The following HPSE2 variants were observed in gnomAD, a reference collection of about 807,000 sequenced individuals.
HPSE2 encodes inactive heparanase-2.
HPSE2 carries 38 observed loss-of-function variants against 60.5 expected under a neutral mutation model. The ratio of observed to expected loss-of-function variants is 0.63; its 90% CI spans 0.48 to 0.82. HPSE2 has a LOEUF of 0.82. Among genes scored for constraint, HPSE2 ranks in the 40% least tolerant of loss-of-function variants. The pLI is 0.00. For missense variants in HPSE2, 713 were observed against 740.4 expected, an observed-to-expected ratio of 0.96 and a Z score of 0.43; for synonymous variants, 295 against 293.2, an observed-to-expected ratio of 1.01 and a Z score of -0.06.
intron 4 of HPSE2, among the ~76,000 whole-genome samples, chr10:98,736,453 G>C (rs1334855442): frequency 6.6e-6 from 1 of 152,128 alleles, no homozygotes; most frequent in South Asian, 2.1e-4. Context: ...ATTTTAGTGA[G>C]AGAACATGAT....
intron 9 of HPSE2, among the ~76,000 whole-genome samples, chr10:98,600,968 GAGAGA>G (rs1945409443): frequency 7.1e-6 from 1 of 141,632 alleles, no homozygotes; most frequent in Non-Finnish European, 1.5e-5. Context: ...GTGAGAGAGA[GAGAGA>G]GAAAGAAACA....
At chr10:98,878,824 C>A (rs1347758714) in intron 3 of HPSE2, among the ~76,000 whole-genome samples, 2 of 151,826 alleles carry the variant, frequency 1.3e-5, no homozygotes, top group Admixed American at 6.6e-5. Flanking sequence ...GGGCTAGAAG[C>A]AAGGAGATCA....
intron 3 of HPSE2, among the ~76,000 whole-genome samples, chr10:98,872,369 G>T (rs915862779): frequency 6.6e-6 from 1 of 152,014 alleles, no homozygotes; most frequent in Non-Finnish European, 1.5e-5. Context: ...ATAATACCCA[G>T]CATTAGCGTG....
chr10:98,839,452 C>G (rs1203542619), intron 3 of HPSE2, among the ~76,000 whole-genome samples: 2 of 152,076 alleles, frequency 1.3e-5, no homozygotes, highest in African/African-American at 4.8e-5. Flanking sequence ...TCACTAAGTA[C>G]AAGAGAACAT....
chr10:98,664,326 T>C (rs1565060747), intron 6 of HPSE2, among the ~76,000 whole-genome samples: 1 of 151,858 alleles, frequency 6.6e-6, no homozygotes, highest in Non-Finnish European at 1.5e-5. Context: ...CTCAGAACAC[T>C]GAATGGGGTG....
chr10:98,525,442 T>C (rs977388653), intron 9 of HPSE2, among the ~76,000 whole-genome samples: 1 of 152,220 alleles, frequency 6.6e-6, no homozygotes. Flanking sequence ...TAAAATGGAA[T>C]AGGAGTCTGA....
intron 3 of HPSE2, among the ~76,000 whole-genome samples, chr10:98,939,632 G>A (rs576169503): frequency 1.2e-4 from 17 of 143,224 alleles, no homozygotes; most frequent in East Asian, 2.0e-4. Context: ...CAATAATAAT[G>A]GGAGATTTTA....
chr10:98,715,170 A>G (rs948771594), intron 5 of HPSE2, among the ~76,000 whole-genome samples: 1 of 151,960 alleles, frequency 6.6e-6, no homozygotes, highest in Non-Finnish European at 1.5e-5. Context: ...CATTCGACAC[A>G]CAAAAGTTCT....
chr10:98,608,181 A>G (rs775800276), intron 9 of HPSE2, among the ~76,000 whole-genome samples: 8 of 152,242 alleles, frequency 5.3e-5, no homozygotes, highest in Non-Finnish European at 1.2e-4. Context: ...TTCCAAAGCC[A>G]ATACTTTTAA....
chr10:98,486,573 A>G (rs1474463325), intron 10 of HPSE2, among the ~76,000 whole-genome samples: 1 of 152,108 alleles, frequency 6.6e-6, no homozygotes, highest in Non-Finnish European at 1.5e-5. Flanking sequence ...TGGAATTGGA[A>G]TATCCTAAAT....
rs1231239352 is a variant in HPSE2 at position 98,888,066 on chromosome 10, T to C, written c.611-144010A>G. ...AACATAAAGAATGTAACTGGATCGT[T>C]TGTAACTCAAAGGATAAATGCTTGA... On this transcript the variant is annotated intron_variant, in intron 3 of 11. Transcript: ENST00000370552. Among the ~76,000 whole-genome samples the C allele has an allele frequency of 2.6e-5, 4 of 151,412 alleles. 1 individual carries two copies. The highest frequency in any genetic ancestry group is 6.6e-5 in the Admixed American group (1 of 15,140).
rs372790370 is a variant in HPSE2 at position 98,735,129 on chromosome 10, A to G, written c.784+8754T>C. Among the ~76,000 whole-genome samples the G allele has an allele frequency of 5.3e-5, 8 of 151,916 alleles. No homozygotes were observed. In the East Asian group the frequency reaches 1.6e-3, roughly 30 times the overall value. On this transcript the variant is annotated intron_variant, in intron 4 of 11. Coordinates refer to ENST00000370552, the MANE Select transcript of HPSE2 (RefSeq NM_021828.5). Reference sequence around the variant, plus strand: ...CCATACCTCTTTTTCTTTATAAATTACCCAGTCTTGGATATATCTCTATCA... The same window carrying G: ...CCATACCTCTTTTTCTTTATAAATTGCCCAGTCTTGGATATATCTCTATCA...
At chr10:99,238,201 A>C (rs1346207920), upstream of HPSE2, among the ~76,000 whole-genome samples, 1 of 152,222 alleles carries the variant, frequency 6.6e-6, no homozygotes, top group Non-Finnish European at 1.5e-5. Context: ...AAGTGAATGC[A>C]CTTTTAGAAG....
At chr10:98,876,038 T>C (rs569640065) in intron 3 of HPSE2, among the ~76,000 whole-genome samples, 1 of 152,022 alleles carries the variant, frequency 6.6e-6, no homozygotes, top group African/African-American at 2.4e-5. Flanking sequence ...CATTTGTATA[T>C]GGGTCTAATA....
At position 98,997,112 on chromosome 10, in the gene HPSE2, C is replaced by CTTTTTT. The variant is rs34434956; in HGVS notation, c.610+147120_610+147125dup. On this transcript the variant is annotated intron_variant, in intron 3 of 11. Coordinates refer to ENST00000370552, the MANE Select transcript of HPSE2 (RefSeq NM_021828.5). ...TTACTTTAGTCAATACAGACCCTTT[C>CTTTTTT]TTTTTTTTTTTTTTTTTTGAGACAG... 4.8e-4 allele frequency among the ~76,000 whole-genome samples: 57 copies of CTTTTTT among 119,706 alleles called. 3 individuals are homozygous for CTTTTTT. The highest frequency in any genetic ancestry group is 6.6e-4 in the Non-Finnish European group (40 of 61,056). The allele number at this position is 119,706 out of a possible 152,430, so 78.5% of individuals were successfully genotyped here. A position where few individuals can be genotyped will look rare whatever the true frequency, so the allele number is the denominator to read the frequency against.
At chr10:99,124,454 T>C (rs1845087428) in intron 3 of HPSE2, among the ~76,000 whole-genome samples, 1 of 152,142 alleles carries the variant, frequency 6.6e-6, no homozygotes, top group Non-Finnish European at 1.5e-5. Context: ...ATTAATCATG[T>C]CCACAACTCC....
intron 3 of HPSE2, among the ~76,000 whole-genome samples, chr10:98,963,200 G>A (rs944059012): frequency 2.0e-5 from 3 of 151,954 alleles, no homozygotes; most frequent in Non-Finnish European, 4.4e-5. Context: ...GTCCTTTGGA[G>A]TATGCAGAAA....
At chr10:98,744,977 T>G (rs974003066) in intron 3 of HPSE2, among the ~76,000 whole-genome samples, 1 of 152,042 alleles carries the variant, frequency 6.6e-6, no homozygotes, top group Non-Finnish European at 1.5e-5. Context: ...CCGAGGCGGG[T>G]GGATCTCGAG....
At chr10:98,678,121 A>T (rs1314836910) in intron 6 of HPSE2, among the ~76,000 whole-genome samples, 1 of 152,228 alleles carries the variant, frequency 6.6e-6, no homozygotes, top group Non-Finnish European at 1.5e-5. Context: ...GACTAAGACC[A>T]AAGAGAGAAA....
Sources: allele counts gnomAD v4.1 joint callset (sites outside exome capture counted in the v4.1 genomes callset), GRCh38; gene constraint gnomAD v4.1.1; transcripts MANE v1.5; gene names NCBI Gene and HGNC (gene_info 2026-07-23, HGNC 2026-07-21).